Variants in COG7 observed in about 807,000 individuals in gnomAD.
COG7 encodes the protein conserved oligomeric Golgi complex subunit 7.
A neutral mutation model predicts 91.5 loss-of-function variants in COG7; 49 were observed. The ratio of observed to expected loss-of-function variants is 0.54; its 90% CI spans 0.43 to 0.68. The LOEUF (loss-of-function observed/expected upper bound fraction) is 0.68, where lower values mean the gene tolerates loss of function less well. COG7 is among the 30% of genes least tolerant of loss of function. COG7 has a pLI of 0.00. For missense variants in COG7, 895 were observed against 961.3 expected (o/e 0.93, Z 0.91); for synonymous variants, 365 against 388.7 (o/e 0.94, Z 0.72).
chr16:23,430,199 T>C (rs1179041768), intron 6 of COG7, among the ~76,000 whole-genome samples: 1 of 152,010 alleles, frequency 6.6e-6, no homozygotes, highest in Admixed American at 6.6e-5. Flanking sequence ...AGCCCAACAG[T>C]GGGAGGATCA....
chr16:23,451,753 G>A (rs1301316029), intron 1 of COG7, among the ~76,000 whole-genome samples: 3 of 146,696 alleles, frequency 2.0e-5, no homozygotes, highest in Non-Finnish European at 3.0e-5. Context: ...AAAGGTTTAA[G>A]TCTCCACTGA....
Position 23,453,089 on chromosome 16 carries a change from G to A in COG7, c.-95C>T, listed in dbSNP as rs1964293820. ...GCGAGCGAGCCTGCGAGAGCACCGAGGCTAGCCTCCGAGGCGAACCCCAGA... is the reference window on the plus strand; with the variant it reads ...GCGAGCGAGCCTGCGAGAGCACCGAAGCTAGCCTCCGAGGCGAACCCCAGA... On this transcript the variant is annotated 5_prime_UTR_variant, in exon 1 of 17. Transcript: ENST00000307149. 5 of 1,578,112 alleles carry A rather than the reference G, an allele frequency of 3.2e-6. No individual in the cohort carries two copies. Among genetic ancestry groups the A allele is most frequent in the Non-Finnish European group, 4.3e-6 (5 of 1,160,390 alleles).
intron 12 of COG7, 96 bp from the exon 13 acceptor site, chr16:23,403,930 G>A: frequency 6.9e-7 from 1 of 1,456,350 alleles, no homozygotes; most frequent in Non-Finnish European, 9.5e-7. Flanking sequence ...GAGAACTGGG[G>A]GTTCTATGCA....
intron 6 of COG7, among the ~76,000 whole-genome samples, chr16:23,427,207 C>T (rs1963862495): frequency 6.6e-6 from 1 of 152,060 alleles, no homozygotes; most frequent in Admixed American, 6.6e-5. Flanking sequence ...GCTGAGATTG[C>T]ACCACTGCAC....
rs1567343432 is a variant in COG7, at chr16:23,433,488, A to C, written c.810+57T>G. 4 of 1,611,498 alleles carry C rather than the reference A, an allele frequency of 2.5e-6. No homozygotes were observed. The East Asian group carries it at 8.9e-5, about 36-fold the overall frequency. ...GAGGGTGGCCACTCCCGAGGCAGTC[A>C]CCCGTTCCCTTGTCACCACAGACTC... On this transcript the variant is annotated intron_variant, in intron 6 of 16. Coordinates refer to ENST00000307149, the MANE Select transcript of COG7 (RefSeq NM_153603.4).
intron 13 of COG7, 88 bp from the exon 14 acceptor site, chr16:23,398,217 C>T (rs1239887214): frequency 1.9e-6 from 2 of 1,072,704 alleles, no homozygotes; most frequent in Non-Finnish European, 2.9e-6. Flanking sequence ...AAGAACATGG[C>T]CTTCCCTGGA....
intron 16 of COG7, 63 bp downstream of exon 16, chr16:23,392,317 A>C (rs1690412563): frequency 6.2e-7 from 1 of 1,610,822 alleles, no homozygotes; most frequent in South Asian, 1.1e-5. Flanking sequence ...AGGGCAAAGG[A>C]GAAACTGACA....
At chr16:23,411,385 A>T (rs1157312922) in intron 10 of COG7, among the ~76,000 whole-genome samples, 2 of 152,250 alleles carry the variant, frequency 1.3e-5, no homozygotes, top group African/African-American at 4.8e-5. Context: ...AAAGTTTATG[A>T]GAAGGTAAAA....
intron 13 of COG7, among the ~76,000 whole-genome samples, chr16:23,402,263 G>A (rs1963390171): frequency 6.6e-6 from 1 of 152,090 alleles, no homozygotes; most frequent in Non-Finnish European, 1.5e-5. Context: ...TAGGCGTGCA[G>A]AAAGAGATGT....
chr16:23,442,499 C>T lies in COG7; in HGVS notation c.582G>A (p.Ala194=), dbSNP rs746972486. The change falls in exon 4 of 17, where the codon GCG becomes GCA. Residue 194 remains alanine, a synonymous_variant. Transcript: ENST00000307149. ...CACCTACAGCCTGAGAGGTGAATGC[C>T]GCTACAATCTGTGGACTGGCTAGGG... The part of the protein sequence containing the change: ...LEALASPQIV[A]AFTSQAVDQS... The T allele has an allele frequency of 1.5e-5, 25 of 1,613,812 alleles. No individual in the cohort carries two copies. The highest frequency in any genetic ancestry group is 4.5e-5 in the East Asian group (2 of 44,894).
At chr16:23,420,737 TTTC>T (rs1198322336) in intron 7 of COG7, among the ~76,000 whole-genome samples, 1 of 151,380 alleles carries the variant, frequency 6.6e-6, no homozygotes, top group Non-Finnish European at 1.5e-5. Flanking sequence ...TTATTTCTTT[TTTC>T]TTCTTCTTTT....
chr16:23,388,676 A>AT lies in COG7; in HGVS notation c.*243dup. The AT allele has an allele frequency of 1.2e-5, 2 of 162,320 alleles. No individual in the cohort carries two copies. Among genetic ancestry groups the AT allele is most frequent in the Non-Finnish European group, 2.1e-5 (2 of 97,040 alleles). The allele number at this position is 162,320 out of a possible 1,614,324, so 10.1% of individuals were successfully genotyped here. A position where few individuals can be genotyped will look rare whatever the true frequency, so the allele number is the denominator to read the frequency against. The stretch of plus-strand genomic sequence containing the variant: ...GTCTCGCTCTGCTGTTAATTTTTGT[A>AT]TTTTTAGTAGAGATGGGGTTTCACC... On this transcript the variant is annotated 3_prime_UTR_variant, in exon 17 of 17. Coordinates refer to ENST00000307149, the MANE Select transcript of COG7 (RefSeq NM_153603.4).
chr16:23,413,240 T>C (rs1053521893), intron 10 of COG7: 5 of 527,770 alleles, frequency 9.5e-6, no homozygotes, highest in Non-Finnish European at 1.4e-5. Flanking sequence ...TAAAAATATC[T>C]TAAGAGCTGG....
At chr16:23,430,877 T>C (rs995586712) in intron 6 of COG7, among the ~76,000 whole-genome samples, 9 of 151,890 alleles carry the variant, frequency 5.9e-5, no homozygotes, top group African/African-American at 2.2e-4. Context: ...ACAAATAAGA[T>C]GATTGACTGG....
chr16:23,440,225 C>T (rs551368284), intron 4 of COG7, among the ~76,000 whole-genome samples: 19 of 152,150 alleles, frequency 1.2e-4, no homozygotes, highest in Admixed American at 1.2e-3. Context: ...CCCATCTCCA[C>T]TAAAAATACA....
At chr16:23,421,460 A>G (rs1963754747) in intron 7 of COG7, among the ~76,000 whole-genome samples, 1 of 150,410 alleles carries the variant, frequency 6.6e-6, no homozygotes. Context: ...ATATTATTTT[A>G]AATAAATTGC....
chr16:23,400,614 G>A (rs1294661139), intron 13 of COG7, among the ~76,000 whole-genome samples: 8 of 152,286 alleles, frequency 5.3e-5, no homozygotes, highest in Admixed American at 3.3e-4. Context: ...AGAACAGCTG[G>A]AGTGGGAAAG....
rs1567336866 is a variant in COG7, at chr16:23,417,385, C to T, written c.1138-264G>A. The T allele has an allele frequency of 7.9e-6, 4 of 509,262 alleles. No individual in the cohort carries two copies. In the South Asian group the frequency reaches 8.4e-5, roughly 11 times the overall value. 31.5% of individuals were successfully genotyped at this position (509,262 alleles called of 1,614,324 possible). A position where few individuals can be genotyped will look rare whatever the true frequency, so the allele number is the denominator to read the frequency against. On this transcript the variant is annotated intron_variant, in intron 8 of 16. Coordinates refer to ENST00000307149, the MANE Select transcript of COG7 (RefSeq NM_153603.4). ...GATCCTAATGTTTTTCATTGCTTTCCTCTTTTTCTGTGATTATTAAGATGG... is the reference window on the plus strand; with the variant it reads ...GATCCTAATGTTTTTCATTGCTTTCTTCTTTTTCTGTGATTATTAAGATGG...
At chr16:23,431,958 A>G (rs952981877) in intron 6 of COG7, among the ~76,000 whole-genome samples, 1 of 152,102 alleles carries the variant, frequency 6.6e-6, no homozygotes, top group African/African-American at 2.4e-5. Flanking sequence ...CCTGGGCAAC[A>G]CAGTGAGATC....
Sources: gnomAD v4.1 joint callset for allele counts (sites outside exome capture counted in the v4.1 genomes callset) on GRCh38, gnomAD v4.1.1 for gene constraint, MANE v1.5 for transcripts, NCBI Gene and HGNC (gene_info 2026-07-23, HGNC 2026-07-21) for gene names.